SOS1: variants seen among roughly 807,000 people sequenced by gnomAD.
SOS1 encodes SOS Ras/Rac guanine nucleotide exchange factor 1, also known as son of sevenless homolog 1.
Under a neutral mutation model 157.6 loss-of-function variants are expected in SOS1, and 25 were observed. The observed-to-expected ratio is 0.16, with a 90% CI of 0.12 to 0.22. The LOEUF (loss-of-function observed/expected upper bound fraction) is 0.22, where lower values mean the gene tolerates loss of function less well. Among genes scored for constraint, SOS1 ranks in the 10% least tolerant of loss-of-function variants. SOS1 has a pLI of 1.00. For missense variants in SOS1, 1,237 were observed against 1,599.1 expected (o/e 0.77, Z 3.86); for synonymous variants, 528 against 534.0 (o/e 0.99, Z 0.16).
chr2:39,024,273 T>A, intron 8 of SOS1, 136 bp from the exon 9 acceptor site: 1 of 754,602 alleles, frequency 1.3e-6, no homozygotes, highest in Non-Finnish European at 2.2e-6. Context: ...AATATTCTTT[T>A]TAAAAGTGTT....
chr2:39,014,706 A>G, intron 11 of SOS1, 59 bp downstream of exon 11: 1 of 903,398 alleles, frequency 1.1e-6, no homozygotes, highest in Non-Finnish European at 1.8e-6. Flanking sequence ...AAAGGATCTT[A>G]GCTCAATCTC....
Position 38,982,045 on chromosome 2 carries a change from C to G in SOS1, c.*3779G>C, listed in dbSNP as rs1412223541. Reference sequence around the variant, plus strand: ...ACAGGTGCGCTCTCCCTAAGCCACACCACATGTACCTTCCATCATCTGTTA... The same window carrying G: ...ACAGGTGCGCTCTCCCTAAGCCACAGCACATGTACCTTCCATCATCTGTTA... On this transcript the variant is annotated 3_prime_UTR_variant, in exon 23 of 23. Coordinates refer to ENST00000402219, the MANE Select transcript of SOS1 (RefSeq NM_005633.4). 1 of 152,154 alleles carries G rather than the reference C, an allele frequency of 6.6e-6. No homozygotes were observed. The highest frequency in any genetic ancestry group is 2.1e-4 in the South Asian group (1 of 4,832). The allele number at this position is 152,154 out of a possible 1,614,324, so 9.4% of individuals were successfully genotyped here. A position where few individuals can be genotyped will look rare whatever the true frequency, so the allele number is the denominator to read the frequency against.
chr2:39,023,284 T>G, intron 9 of SOS1, 59 bp from the exon 10 acceptor site: 1 of 1,282,576 alleles, frequency 7.8e-7, no homozygotes, highest in Non-Finnish European at 1.1e-6. Flanking sequence ...AGAGCTCATG[T>G]AAGTAAGGGA....
At chr2:39,121,634 C>T (rs552262303), upstream of SOS1, among the ~76,000 whole-genome samples, 18 of 152,336 alleles carry the variant, frequency 1.2e-4, no homozygotes, top group African/African-American at 3.6e-4. Context: ...GATATCGAGA[C>T]CTCTTTTACA....
At chr2:39,100,505 A>G (rs1418733366) in intron 1 of SOS1, among the ~76,000 whole-genome samples, 1 of 152,256 alleles carries the variant, frequency 6.6e-6, no homozygotes, top group Non-Finnish European at 1.5e-5. Context: ...GCCATTTGCA[A>G]CTACACGGAT....
chr2:39,071,536 A>G (rs890111926), intron 1 of SOS1, among the ~76,000 whole-genome samples: 1 of 152,238 alleles, frequency 6.6e-6, no homozygotes, highest in Non-Finnish European at 1.5e-5. Context: ...TATATTCAAA[A>G]TCTGATATAA....
intron 1 of SOS1, among the ~76,000 whole-genome samples, chr2:39,118,085 T>C (rs939402486): frequency 2.6e-5 from 4 of 152,146 alleles, no homozygotes; most frequent in Admixed American, 2.0e-4. Context: ...GGCAAGTAAA[T>C]AGGAACTTAA....
At chr2:39,091,456 G>C (rs531221253) in intron 1 of SOS1, among the ~76,000 whole-genome samples, 2 of 152,052 alleles carry the variant, frequency 1.3e-5, no homozygotes, top group South Asian at 4.2e-4. Context: ...ATAAATAATC[G>C]TCTATAAGCC....
chr2:39,069,165 G>A (rs922527913), intron 1 of SOS1, among the ~76,000 whole-genome samples: 1 of 119,402 alleles, frequency 8.4e-6, no homozygotes, highest in Non-Finnish European at 1.6e-5. Flanking sequence ...AAGCAACACA[G>A]GGAAAACCTG....
At chr2:39,089,465 G>C (rs922891432) in intron 1 of SOS1, among the ~76,000 whole-genome samples, 1 of 147,100 alleles carries the variant, frequency 6.8e-6, no homozygotes, top group African/African-American at 2.5e-5. Flanking sequence ...CTGGGAGGTG[G>C]AGGTTGCAGT....
chr2:39,027,984 C>T (rs1670024924), intron 8 of SOS1, among the ~76,000 whole-genome samples: 1 of 152,094 alleles, frequency 6.6e-6, no homozygotes, highest in Non-Finnish European at 1.5e-5. Flanking sequence ...CTGCGTGTTA[C>T]CACACCCAGA....
At chr2:39,088,570 T>G (rs184028239) in intron 1 of SOS1, among the ~76,000 whole-genome samples, 11 of 152,310 alleles carry the variant, frequency 7.2e-5, no homozygotes, top group African/African-American at 2.6e-4. Context: ...AGAAGTGAAA[T>G]CATATAGTAT....
At position 39,022,910 on chromosome 2, in the gene SOS1, G is replaced by A; in HGVS notation, c.1518C>T (p.Asp506=). Residue 506 remains aspartate, a synonymous_variant, in exon 10 of 23, where the codon GAC becomes GAT. Coordinates refer to ENST00000402219, the MANE Select transcript of SOS1 (RefSeq NM_005633.4). ...CAAAAGCATGCTTGTATTCATTGGT[G>A]TCATCTTTATCATTAATTTGTACCT... The part of the protein sequence containing the change: ...MRKVQINDKD[D]TNEYKHAFEI... 1 of 1,611,328 alleles carries A rather than the reference G, an allele frequency of 6.2e-7. No homozygotes were observed. Among genetic ancestry groups the A allele is most frequent in the Non-Finnish European group, 8.5e-7 (1 of 1,177,786 alleles).
rs1390446172 is a variant in SOS1 at position 39,013,963 on chromosome 2, G to A, written c.1967C>T (p.Thr656Ile). The change falls in exon 12 of 23, where the codon ACA becomes ATA. Residue 656 changes from threonine to isoleucine, a missense_variant. Physicochemically the swap from Thr to Ile is moderately conservative, Grantham distance 89. Coordinates refer to ENST00000402219, the MANE Select transcript of SOS1 (RefSeq NM_005633.4). Reference sequence around the variant, plus strand: ...CTCTATAGCTATGCGATCAGCTTCTGTTGGCTCAGGCTCTGGAATTTCAAA... The same window carrying A: ...CTCTATAGCTATGCGATCAGCTTCTATTGGCTCAGGCTCTGGAATTTCAAA... ...ERFEIPEPEP[T>I]EADRIAIENG... The A allele has an allele frequency of 4.4e-6, 7 of 1,605,504 alleles. No homozygotes were observed. Among genetic ancestry groups the A allele is most frequent in the Non-Finnish European group, 6.0e-6 (7 of 1,173,184 alleles).
At chr2:39,066,863 C>T (rs1156831512) in intron 2 of SOS1, among the ~76,000 whole-genome samples, 1 of 152,108 alleles carries the variant, frequency 6.6e-6, no homozygotes, top group Non-Finnish European at 1.5e-5. Context: ...AAAAGAAATG[C>T]TTGGACATAT....
intron 6 of SOS1, among the ~76,000 whole-genome samples, chr2:39,048,670 G>A (rs1670884626): frequency 2.0e-5 from 3 of 152,022 alleles, no homozygotes; most frequent in African/African-American, 7.3e-5. Context: ...CCAAAGTGCT[G>A]GGATTACAGG....
Position 39,013,523 on chromosome 2 carries a change from A to G in SOS1, c.2104T>C (p.Tyr702His), listed in dbSNP as rs727505381. 3 of 1,612,554 alleles carry G rather than the reference A, an allele frequency of 1.9e-6. No homozygotes were observed. Among genetic ancestry groups the G allele is most frequent in the South Asian group, 1.1e-5 (1 of 91,046 alleles). ...AGATATGCATCTCTTTCAAAATCATAGAAGTGGTGCTCTACCCAGTGCCGA... is the reference window on the plus strand; with the variant it reads ...AGATATGCATCTCTTTCAAAATCATGGAAGTGGTGCTCTACCCAGTGCCGA... The part of the protein sequence containing the change: ...VCRHWVEHHF[Y>H]DFERDAYLLQ... The change falls in exon 13 of 23, where the codon TAT becomes CAT. Residue 702 changes from tyrosine to histidine, a missense_variant. Coordinates refer to ENST00000402219, the MANE Select transcript of SOS1 (RefSeq NM_005633.4).
intron 6 of SOS1, among the ~76,000 whole-genome samples, chr2:39,048,784 G>A (rs1394019521): frequency 1.3e-5 from 2 of 152,052 alleles, no homozygotes; most frequent in Non-Finnish European, 1.5e-5. Context: ...TGTCCTGAAC[G>A]ATATTTGGAA....
chr2:39,107,816 G>A (rs1227995863), intron 1 of SOS1, among the ~76,000 whole-genome samples: 3 of 152,118 alleles, frequency 2.0e-5, no homozygotes, highest in Admixed American at 6.5e-5. Context: ...CTACTCAGGG[G>A]ATGGAGTTGT....
Sources: allele counts gnomAD v4.1 joint callset (sites outside exome capture counted in the v4.1 genomes callset), GRCh38; gene constraint gnomAD v4.1.1; transcripts MANE v1.5; gene names NCBI Gene and HGNC (gene_info 2026-07-23, HGNC 2026-07-21).